The following TFDP1 variants were observed in gnomAD, a reference collection of about 807,000 sequenced individuals.
TFDP1 encodes transcription factor Dp-1, also known as DRTF1-polypeptide 1.
Under a neutral mutation model 48.0 loss-of-function variants are expected in TFDP1, and 6 were observed. The observed-to-expected ratio is 0.13, with a 90% CI of 0.07 to 0.25. The LOEUF is 0.25. TFDP1 is among the 10% of genes least tolerant of loss of function. The pLI, the probability that TFDP1 is intolerant of heterozygous loss-of-function variation, is 1.00. For synonymous variants in TFDP1, 201 were observed against 211.6 expected (o/e 0.95, Z 0.44); for missense variants, 335 against 543.0 (o/e 0.62, Z 3.81).
chr13:113,600,729 G>A (rs184145986), intron 2 of TFDP1, among the ~76,000 whole-genome samples: 1 of 148,868 alleles, frequency 6.7e-6, no homozygotes, highest in Non-Finnish European at 1.5e-5. Flanking sequence ...CCAGGACCAT[G>A]AGAGAGAACC....
intron 3 of TFDP1, among the ~76,000 whole-genome samples, chr13:113,620,911 TG>T (rs2048980000): frequency 6.6e-6 from 1 of 152,186 alleles, no homozygotes. Context: ...AAAAGGCAAA[TG>T]TCTTTTTAAT....
chr13:113,585,097 G>A (rs970315661), intron 1 of TFDP1, among the ~76,000 whole-genome samples: 3 of 146,748 alleles, frequency 2.0e-5, no homozygotes, highest in Non-Finnish European at 4.6e-5. Context: ...CGGGGCGGGG[G>A]TCCCGGGCCC....
chr13:113,584,693 G>A (rs2047948633), upstream of TFDP1: 1 of 148,226 alleles, frequency 6.7e-6, no homozygotes. Context: ...ACGTCACCGC[G>A]CCGCGCGCAC....
intron 2 of TFDP1, among the ~76,000 whole-genome samples, chr13:113,593,930 A>C (rs2048215693): frequency 7.3e-6 from 1 of 137,640 alleles, no homozygotes; most frequent in Non-Finnish European, 1.5e-5. Context: ...AGCCGTGCCC[A>C]GGTGACAGGT....
chr13:113,639,270 A>C (rs1041528312), intron 11 of TFDP1, among the ~76,000 whole-genome samples: 3 of 152,244 alleles, frequency 2.0e-5, no homozygotes, highest in Non-Finnish European at 4.4e-5. Flanking sequence ...TTTTATCATC[A>C]CATAATCCTT....
At chr13:113,597,567 C>G (rs1014860740) in intron 2 of TFDP1, among the ~76,000 whole-genome samples, 11 of 152,216 alleles carry the variant, frequency 7.2e-5, no homozygotes, top group Admixed American at 4.6e-4. Context: ...CTCGCCTGTC[C>G]CACGTGGGCG....
At chr13:113,591,784 G>A (rs1428289753) in intron 2 of TFDP1, among the ~76,000 whole-genome samples, 3 of 152,212 alleles carry the variant, frequency 2.0e-5, no homozygotes, top group African/African-American at 7.2e-5. Flanking sequence ...ACTACGTGTG[G>A]GGATGGATCT....
At chr13:113,606,575 G>C (rs892661600) in intron 2 of TFDP1, among the ~76,000 whole-genome samples, 8 of 152,044 alleles carry the variant, frequency 5.3e-5, no homozygotes, top group Non-Finnish European at 1.0e-4. Context: ...TGAAGACGCC[G>C]CACAGCCTTC....
intron 8 of TFDP1, among the ~76,000 whole-genome samples, 189 bp from the exon 9 acceptor site, chr13:113,635,788 C>T (rs1424479872): frequency 6.6e-6 from 1 of 152,158 alleles, no homozygotes; most frequent in African/African-American, 2.4e-5. Context: ...CCCTCAGGAT[C>T]CCGTTTCCTG....
chr13:113,614,306 A>G (rs1217106834), intron 3 of TFDP1, among the ~76,000 whole-genome samples: 1 of 152,088 alleles, frequency 6.6e-6, no homozygotes, highest in Admixed American at 6.5e-5. Flanking sequence ...TCGCCTCCCC[A>G]ACAGACACCT....
intron 2 of TFDP1, among the ~76,000 whole-genome samples, chr13:113,599,342 ATG>A (rs2048355977): frequency 1.3e-5 from 2 of 152,168 alleles, no homozygotes; most frequent in African/African-American, 4.8e-5. Context: ...ATATTCTGAC[ATG>A]TGTCTCTCAG....
intron 2 of TFDP1, among the ~76,000 whole-genome samples, chr13:113,602,858 G>C (rs1269613419): frequency 7.2e-5 from 11 of 151,892 alleles, no homozygotes; most frequent in South Asian, 4.1e-4. Flanking sequence ...CAAAATTCCT[G>C]CTTCACAGAG....
intron 4 of TFDP1, among the ~76,000 whole-genome samples, chr13:113,628,140 CTA>C (rs1201067864): frequency 6.6e-6 from 1 of 151,576 alleles, no homozygotes. Context: ...TGTGTAAAGA[CTA>C]TGTCTGGAGC....
intron 4 of TFDP1, among the ~76,000 whole-genome samples, chr13:113,625,318 G>T (rs2049117553): frequency 1.5e-5 from 1 of 66,696 alleles, no homozygotes. Context: ...GTCCTCACGT[G>T]TTTCTCAGGC....
At chr13:113,632,497 CTT>C (rs1221606475) in intron 5 of TFDP1, among the ~76,000 whole-genome samples, 1 of 152,254 alleles carries the variant, frequency 6.6e-6, no homozygotes, top group Non-Finnish European at 1.5e-5. Flanking sequence ...TGGCTGCCCT[CTT>C]TAGAAAAGTG....
At chr13:113,635,138 G>A (rs1472207895) in intron 8 of TFDP1, among the ~76,000 whole-genome samples, 1 of 152,224 alleles carries the variant, frequency 6.6e-6, no homozygotes, top group African/African-American at 2.4e-5. Flanking sequence ...CCTGGAGCTG[G>A]CCTTCCCCAC....
chr13:113,622,391 C>T, intron 3 of TFDP1, among the ~76,000 whole-genome samples: 1 of 152,242 alleles, frequency 6.6e-6, no homozygotes, highest in East Asian at 1.9e-4. Context: ...TGTGGCCGCC[C>T]ACCCTTCCAG....
rs2049617189 is a variant in TFDP1 at position 113,640,522 on chromosome 13, A to G, written c.*255A>G. ...TTAGGATTTTGTGTTTTCATTTGCT[A>G]TTTTTCTTTAAGTGCAGAGTTCATT... On this transcript the variant is annotated 3_prime_UTR_variant, in exon 12 of 12. Transcript: ENST00000375370. 4.5e-6 allele frequency: 2 copies of G among 448,834 alleles called. No homozygotes were observed. The highest frequency in any genetic ancestry group is 2.8e-5 in the South Asian group (1 of 35,460). 27.8% of individuals were successfully genotyped at this position (448,834 alleles called of 1,614,324 possible). A position where few individuals can be genotyped will look rare whatever the true frequency, so the allele number is the denominator to read the frequency against.
At chr13:113,625,076 C>CT (rs2049103312) in intron 4 of TFDP1, among the ~76,000 whole-genome samples, 1 of 134,816 alleles carries the variant, frequency 7.4e-6, no homozygotes, top group Admixed American at 7.4e-5. Context: ...TCTCACGTGT[C>CT]CTCAGGTGTC....
Sources: allele counts gnomAD v4.1 joint callset (sites outside exome capture counted in the v4.1 genomes callset), GRCh38; gene constraint gnomAD v4.1.1; transcripts MANE v1.5; gene names NCBI Gene and HGNC (gene_info 2026-07-23, HGNC 2026-07-21).